The following RBFOX3 variants were observed in gnomAD, a reference collection of about 807,000 sequenced individuals.
RBFOX3 encodes RNA binding protein fox-1 homolog 3.
Under a neutral mutation model 48.7 loss-of-function variants are expected in RBFOX3, and 17 were observed. The observed-to-expected ratio is 0.35, with a 90% CI of 0.24 to 0.52. The LOEUF (loss-of-function observed/expected upper bound fraction) is 0.52. RBFOX3 is among the 20% of genes least tolerant of loss of function. The pLI is 0.94. For synonymous variants in RBFOX3, 212 were observed against 209.5 expected (o/e 1.01, Z -0.10); for missense variants, 382 against 497.5 (o/e 0.77, Z 2.21).
intron 3 of RBFOX3, among the ~76,000 whole-genome samples, chr17:79,272,874 T>C (rs1437321098): frequency 1.3e-5 from 2 of 152,112 alleles, no homozygotes; most frequent in Non-Finnish European, 2.9e-5. Context: ...GTCTTCCCGA[T>C]GTGCCAGCTG....
intron 1 of RBFOX3, among the ~76,000 whole-genome samples, chr17:79,523,943 G>A (rs1251410118): frequency 2.6e-5 from 4 of 152,174 alleles, no homozygotes; most frequent in South Asian, 2.1e-4. Flanking sequence ...ACTGGAAAAC[G>A]GGGCCAGACT....
At chr17:79,288,485 C>CA (rs922280386) in intron 3 of RBFOX3, among the ~76,000 whole-genome samples, 5 of 152,092 alleles carry the variant, frequency 3.3e-5, no homozygotes, top group East Asian at 3.9e-4. Flanking sequence ...CAGCCCCCCC[C>CA]AGCCCGGCTT....
intron 2 of RBFOX3, among the ~76,000 whole-genome samples, chr17:79,323,464 G>GA (rs1183713254): frequency 6.6e-6 from 1 of 152,214 alleles, no homozygotes; most frequent in African/African-American, 2.4e-5. Context: ...ACTGTTTTGT[G>GA]AAGTGAGTTT....
chr17:79,097,429 A>C lies in RBFOX3; in HGVS notation c.623-5T>G. ...TGGGGTAGGGGAACCCCGTCACTGC[A>C]GGAAACGGGGCCCGAGACACGTGTG... On this transcript the variant is annotated splice_polypyrimidine_tract_variant and splice_region_variant and intron_variant, in intron 10 of 14. Coordinates refer to ENST00000693108, the MANE Select transcript of RBFOX3 (RefSeq NM_001350451.2). The C allele has an allele frequency of 1.3e-6, 2 of 1,542,464 alleles. No homozygotes were observed. The highest frequency in any genetic ancestry group is 1.8e-6 in the Non-Finnish European group (2 of 1,142,730).
chr17:79,641,806 G>C, the RBFOX3 span, among the ~76,000 whole-genome samples: 1 of 152,122 alleles, frequency 6.6e-6, no homozygotes, highest in Non-Finnish European at 1.5e-5. Context: ...ATCTCCCTTG[G>C]TGCTGTTGTG....
At chr17:79,178,466 C>T (rs2051108909) in intron 4 of RBFOX3, among the ~76,000 whole-genome samples, 1 of 152,198 alleles carries the variant, frequency 6.6e-6, no homozygotes, top group East Asian at 1.9e-4. Context: ...GCGACATGGA[C>T]TCGAGCCCCA....
rs750085050 is a variant in RBFOX3 at position 79,401,940 on chromosome 17, T to C, written c.-175+80514A>G. On this transcript the variant is annotated intron_variant, in intron 2 of 14. Coordinates refer to ENST00000693108, the MANE Select transcript of RBFOX3 (RefSeq NM_001350451.2). The stretch of plus-strand genomic sequence containing the variant: ...GAAGCCACACAGTTGTGGTCATCCG[T>C]TCTGGTGACCACAGGAACCGCATAC... Among the ~76,000 whole-genome samples, 58 of 152,216 alleles carry C rather than the reference T, an allele frequency of 3.8e-4. 1 individual carries two copies. Among genetic ancestry groups the C allele is most frequent in the Non-Finnish European group, 6.5e-4 (44 of 68,020 alleles).
At chr17:79,328,314 C>G (rs2079651092) in intron 2 of RBFOX3, among the ~76,000 whole-genome samples, 1 of 152,218 alleles carries the variant, frequency 6.6e-6, no homozygotes, top group Non-Finnish European at 1.5e-5. Context: ...GCTGAGCATT[C>G]AGGACAGGGT....
chr17:79,643,739 C>T, the RBFOX3 span, among the ~76,000 whole-genome samples: 11 of 152,032 alleles, frequency 7.2e-5, no homozygotes, highest in Non-Finnish European at 1.6e-4. Flanking sequence ...ATATTTCAAA[C>T]TGAACAGTAA....
At chr17:79,589,520 G>A (rs2145047194) in intron 1 of RBFOX3, among the ~76,000 whole-genome samples, 1 of 152,326 alleles carries the variant, frequency 6.6e-6, no homozygotes, top group Admixed American at 6.5e-5. Flanking sequence ...GGTCCCGGAG[G>A]TTAGGACGTC....
intron 2 of RBFOX3, among the ~76,000 whole-genome samples, chr17:79,358,588 G>A (rs529104928): frequency 1.3e-5 from 2 of 152,208 alleles, no homozygotes; most frequent in South Asian, 2.1e-4. Context: ...AGTCAACCTA[G>A]TAGCTGGGAT....
At chr17:79,374,740 TAAGGA>T (rs1256450871) in intron 2 of RBFOX3, among the ~76,000 whole-genome samples, 2 of 152,170 alleles carry the variant, frequency 1.3e-5, no homozygotes, top group African/African-American at 4.8e-5. Context: ...ACAGATAACT[TAAGGA>T]AAGTGTTTTT....
chr17:79,259,303 G>A (rs758924199), intron 3 of RBFOX3, among the ~76,000 whole-genome samples: 3 of 152,200 alleles, frequency 2.0e-5, no homozygotes, highest in Admixed American at 2.0e-4. Context: ...AGTGGGCACA[G>A]CACCGATCTC....
chr17:79,314,957 G>A (rs2077337744), intron 2 of RBFOX3, among the ~76,000 whole-genome samples: 1 of 151,738 alleles, frequency 6.6e-6, no homozygotes, highest in Admixed American at 6.6e-5. Context: ...GTTAGTTATT[G>A]TTAATTGCAG....
intron 3 of RBFOX3, among the ~76,000 whole-genome samples, chr17:79,289,889 G>T (rs577218308): frequency 1.2e-4 from 18 of 152,256 alleles, no homozygotes; most frequent in African/African-American, 4.1e-4. Context: ...TAATAACACT[G>T]GGCTATAACT....
rs2076777962 is a variant in RBFOX3 at position 79,311,017 on chromosome 17, A to G, written c.-174-3193T>C. ...TAAAATGAATTGATTTCAGCACAGG[A>G]TATGGCCTTTCTTAATGTGGGTGGG... On this transcript the variant is annotated intron_variant, in intron 2 of 14. Coordinates refer to ENST00000693108, the MANE Select transcript of RBFOX3 (RefSeq NM_001350451.2). This position sits in a 1 kb window ranked among gnomAD's most constrained non-coding sequence, Gnocchi z 4.2. Among the ~76,000 whole-genome samples, 3 of 152,120 alleles carry G rather than the reference A, an allele frequency of 2.0e-5. No individual in the cohort carries two copies. Among genetic ancestry groups the G allele is most frequent in the African/African-American group, 7.2e-5 (3 of 41,416 alleles).
At chr17:79,110,211 C>T (rs939859772) in intron 5 of RBFOX3, among the ~76,000 whole-genome samples, 1 of 152,136 alleles carries the variant, frequency 6.6e-6, no homozygotes, top group East Asian at 1.9e-4. Flanking sequence ...CCTTCCCTCC[C>T]GACTGGGCTG....
At chr17:79,147,580 G>A (rs1019593001) in intron 4 of RBFOX3, among the ~76,000 whole-genome samples, 1 of 152,174 alleles carries the variant, frequency 6.6e-6, no homozygotes, top group African/African-American at 2.4e-5. Context: ...CTTCTGGTAA[G>A]AGGATCCTGG....
At chr17:79,411,855 A>G (rs2064394256) in intron 2 of RBFOX3, among the ~76,000 whole-genome samples, 2 of 152,224 alleles carry the variant, frequency 1.3e-5, no homozygotes, top group South Asian at 4.1e-4. Context: ...GGCCAATTAA[A>G]TGGAAAATAT....
Sources: allele counts gnomAD v4.1 joint callset (sites outside exome capture counted in the v4.1 genomes callset), GRCh38; gene constraint gnomAD v4.1.1; non-coding constraint Gnocchi (gnomAD v3.1); transcripts MANE v1.5; gene names NCBI Gene and HGNC (gene_info 2026-07-23, HGNC 2026-07-21).